The following CLCC1 variants were observed in gnomAD, a reference collection of about 807,000 sequenced individuals.
CLCC1 encodes chloride channel CLIC like 1, also known as chloride channel CLIC-like protein 1.
A neutral mutation model predicts 63.3 loss-of-function variants in CLCC1; 39 were observed. The observed-to-expected ratio is 0.62, with a 90% confidence interval of 0.48 to 0.81. CLCC1 has a LOEUF of 0.81. Ranked by LOEUF, CLCC1 falls within the 30% of genes least tolerant of loss-of-function variation. The pLI, the probability that CLCC1 is intolerant of heterozygous loss-of-function variation, is 0.00. For synonymous variants in CLCC1, 217 were observed against 239.8 expected, an observed-to-expected ratio of 0.90 and a Z score of 0.88; for missense variants, 549 against 669.4, an observed-to-expected ratio of 0.82 and a Z score of 1.98.
intron 2 of CLCC1, 37 bp from the exon 3 acceptor site, chr1:108,950,485 T>C: frequency 1.7e-6 from 2 of 1,187,030 alleles, no homozygotes; most frequent in Non-Finnish European, 2.2e-6. Context: ...GAAATAGAAT[T>C]ATTTTTTTAA....
At chr1:108,960,948 T>A (rs543882032) in intron 2 of CLCC1, among the ~76,000 whole-genome samples, 376 of 152,244 alleles carry the variant, frequency 2.5e-3, no homozygotes, top group African/African-American at 8.6e-3. Flanking sequence ...CGCCGCCTTG[T>A]CTTCCCAAAG....
In CLCC1 at chr1:108,930,471, T is replaced by G. The variant is rs1449968008; in HGVS notation, c.*2076A>C. ...AAGTCAGTATAAAAGAAACTCTACT[T>G]CTTGGGCTGGGCATGGTGGCTCATT... is the stretch of plus-strand genomic sequence containing the variant. On this transcript the variant is annotated 3_prime_UTR_variant, in exon 13 of 13. Transcript: ENST00000369969. 1 of 153,378 alleles carries G rather than the reference T, an allele frequency of 6.5e-6. No homozygotes were observed. The highest frequency in any genetic ancestry group is 2.4e-5 in the African/African-American group (1 of 41,402). 9.5% of individuals were successfully genotyped at this position (153,378 alleles called of 1,614,324 possible).
At position 108,930,439 on chromosome 1, in the gene CLCC1, T is replaced by A. The variant is rs1447208685; in HGVS notation, c.*2108A>T. On this transcript the variant is annotated 3_prime_UTR_variant, in exon 13 of 13. Coordinates refer to ENST00000369969, the MANE Select transcript of CLCC1 (RefSeq NM_001377458.1). ...TTTCCTCCATGAAAATCTGTTTTTTTAGGCCAAAGTCAGTATAAAAGAAAC... is the reference window on the plus strand; with the variant it reads ...TTTCCTCCATGAAAATCTGTTTTTTAAGGCCAAAGTCAGTATAAAAGAAAC... 6.5e-6 allele frequency: 1 copy of A among 154,418 alleles called. No individual in the cohort carries two copies. Among genetic ancestry groups the A allele is most frequent in the Non-Finnish European group, 1.4e-5 (1 of 69,626 alleles). The allele number at this position is 154,418 out of a possible 1,614,324, so 9.6% of individuals were successfully genotyped here.
Position 108,931,399 on chromosome 1 carries a change from AG to A in CLCC1, c.*1147del, listed in dbSNP as rs144751975. ...AAGTATGGGACAGACTGGGACCTGG[AG>A]TAACACTGGATCACAGACTGCAAAG... On this transcript the variant is annotated 3_prime_UTR_variant, in exon 13 of 13. Coordinates refer to ENST00000369969, the MANE Select transcript of CLCC1 (RefSeq NM_001377458.1). 1,124 of 1,551,188 alleles carry A rather than the reference AG, an allele frequency of 7.2e-4. 11 individuals carry two copies. The African/African-American group carries it at 0.014, about 19-fold the overall frequency.
In CLCC1 at chr1:108,963,468, T is replaced by C; in HGVS notation, c.-280A>G. 1 of 702,024 alleles carries C rather than the reference T, an allele frequency of 1.4e-6. No individual in the cohort carries two copies. The highest frequency in any genetic ancestry group is 2.7e-5 in the East Asian group (1 of 37,262). 43.5% of individuals were successfully genotyped at this position (702,024 alleles called of 1,614,324 possible). Reference sequence around the variant, plus strand: ...AGGGTTTCAGCGTGCTTCCTGGGCCTCGTCATCGAATTGTTCGGCTGACGG... The same window carrying C: ...AGGGTTTCAGCGTGCTTCCTGGGCCCCGTCATCGAATTGTTCGGCTGACGG... On this transcript the variant is annotated 5_prime_UTR_variant, in exon 1 of 13. Coordinates refer to ENST00000369969, the MANE Select transcript of CLCC1 (RefSeq NM_001377458.1).
rs1571019001 is a variant in CLCC1 at position 108,939,623 on chromosome 1, T to C, written c.1041+13A>G. The C allele has an allele frequency of 6.8e-6, 11 of 1,613,302 alleles. No individual in the cohort carries two copies. Among genetic ancestry groups the C allele is most frequent in the Non-Finnish European group, 9.3e-6 (11 of 1,179,662 alleles). On this transcript the variant is annotated intron_variant, in intron 10 of 12. Transcript: ENST00000369969. Reference sequence around the variant, plus strand: ...CGCGCCTGGCCCGACAGTGCTAATATATTAATACTAACCAGGATGGCTAAT... The same window carrying C: ...CGCGCCTGGCCCGACAGTGCTAATACATTAATACTAACCAGGATGGCTAAT...
At position 108,950,438 on chromosome 1, in the gene CLCC1, CCTGT is replaced by C; in HGVS notation, c.-5_-2del. The C allele has an allele frequency of 6.3e-7, 1 of 1,598,786 alleles. No individual in the cohort carries two copies. Among genetic ancestry groups the C allele is most frequent in the Non-Finnish European group, 8.5e-7 (1 of 1,170,706 alleles). On this transcript the variant is annotated 5_prime_UTR_variant, in exon 3 of 13. The change creates a new upstream start codon in the 5' untranslated region. Coordinates refer to ENST00000369969, the MANE Select transcript of CLCC1 (RefSeq NM_001377458.1). ...CACAAAGGAGCAAAGAACACAGCATCCTGTATAAGGCTAAAACAATTTTTAATAT... is the reference window on the plus strand; with the variant it reads ...CACAAAGGAGCAAAGAACACAGCATCATAAGGCTAAAACAATTTTTAATAT...
Position 108,943,846 on chromosome 1 carries a change from T to C in CLCC1, c.551A>G (p.Asn184Ser). 2.5e-6 allele frequency: 4 copies of C among 1,609,184 alleles called. No homozygotes were observed. The highest frequency in any genetic ancestry group is 3.4e-6 in the Non-Finnish European group (4 of 1,175,768). The change falls in exon 6 of 13, where the codon AAT becomes AGT. Residue 184 changes from asparagine (N) to serine (S), a missense_variant. Coordinates refer to ENST00000369969, the MANE Select transcript of CLCC1 (RefSeq NM_001377458.1). ...CTCATCCCATCTTACCATTAACACA[T>C]TATATGGATCCACTCCAAAGGAATC... ...FEDSFGVDPY[N>S]VLMVLLCLLC...
In CLCC1 at chr1:108,937,356, G is replaced by T. The variant is rs168107; in HGVS notation, c.1104C>A (p.Ser368Arg). ...GTGGCCGAAGTGCCTGGGGAGGTTC[G>T]CTCTCAGGACCGCCTATATGTCTCA... Reference protein sequence around the residue: ...HVLRHIGGPESEPPQALRPRD... With the variant: ...HVLRHIGGPEREPPQALRPRD... Residue 368 changes from serine to arginine, a missense_variant, in exon 11 of 13, where the codon AGC becomes AGA. Transcript: ENST00000369969. 442,933 of 1,613,536 alleles carry T rather than the reference G, an allele frequency of 0.27. 66,239 individuals are homozygous for T. Among genetic ancestry groups the T allele is most frequent in the African/African-American group, 0.57 (42,852 of 74,940 alleles).
At chr1:108,940,208 A>G (rs1653671239) in intron 8 of CLCC1, 66 bp from the exon 9 acceptor site, 1 of 1,171,048 alleles carries the variant, frequency 8.5e-7, no homozygotes, top group Admixed American at 2.0e-5. Flanking sequence ...CCCAAACAAG[A>G]CATTACTTTG....
chr1:108,947,502 G>GTC, intron 5 of CLCC1, 109 bp downstream of exon 5: 1 of 641,600 alleles, frequency 1.6e-6, no homozygotes. Context: ...AGTCAGTCAG[G>GTC]TGGTCTCTGT....
chr1:108,956,648 G>A (rs553124789), intron 2 of CLCC1, among the ~76,000 whole-genome samples: 28 of 130,782 alleles, frequency 2.1e-4, no homozygotes, highest in South Asian at 1.2e-3. Flanking sequence ...GTGACACAGC[G>A]AGACTCCGTC....
intron 5 of CLCC1, among the ~76,000 whole-genome samples, chr1:108,944,775 G>C (rs1028875309): frequency 1.3e-5 from 2 of 152,046 alleles, no homozygotes; most frequent in Non-Finnish European, 2.9e-5. Flanking sequence ...GACTACAGGT[G>C]CCCGCCACTA....
Position 108,943,870 on chromosome 1 carries a change from TC to T in CLCC1, c.526del (p.Asp176IlefsTer11). 1 of 1,613,832 alleles carries T rather than the reference TC, an allele frequency of 6.2e-7. No homozygotes were observed. Among genetic ancestry groups the T allele is most frequent in the East Asian group, 2.2e-5 (1 of 44,874 alleles). ...DFETWKWRFE[D>X]SFGVDPYNVL... Reference sequence around the variant, plus strand: ...ATTATATGGATCCACTCCAAAGGAATCTTCGAATCGCCACTTCCATGTTTCA... The same window carrying T: ...ATTATATGGATCCACTCCAAAGGAATTTCGAATCGCCACTTCCATGTTTCA... On this transcript the variant is annotated frameshift_variant, in exon 6 of 13. Transcript: ENST00000369969. LOFTEE classifies it high-confidence loss of function.
chr1:108,954,589 G>GA (rs1251738156), intron 2 of CLCC1, among the ~76,000 whole-genome samples: 1 of 151,130 alleles, frequency 6.6e-6, no homozygotes, highest in Non-Finnish European at 1.5e-5. Context: ...GGCTGAAGCA[G>GA]AAAAAAGATG....
Position 108,937,380 on chromosome 1 carries a change from C to T in CLCC1, c.1080G>A (p.Leu360=), listed in dbSNP as rs1047015131. 3.7e-6 allele frequency: 6 copies of T among 1,612,498 alleles called. No homozygotes were observed. Among genetic ancestry groups the T allele is most frequent in the African/African-American group, 1.3e-5 (1 of 74,858 alleles). Reference sequence around the variant, plus strand: ...CGCTCTCAGGACCGCCTATATGTCTCAGCACATGAACTGATTTTCCAGCAC... The same window carrying T: ...CGCTCTCAGGACCGCCTATATGTCTTAGCACATGAACTGATTTTCCAGCAC... ...CYGAGKSVHV[L]RHIGGPESEP... The change falls in exon 11 of 13, where the codon CTG becomes CTA. Residue 360 remains leucine (L), a synonymous_variant. Transcript: ENST00000369969.
Position 108,944,076 on chromosome 1 carries a change from AAAAC to A in CLCC1, c.340-23_340-20del, listed in dbSNP as rs779270419. 522 of 1,526,344 alleles carry A rather than the reference AAAAC, an allele frequency of 3.4e-4. No homozygotes were observed. Among genetic ancestry groups the A allele is most frequent in the Non-Finnish European group, 4.4e-4 (492 of 1,126,790 alleles). The allele number at this position is 1,526,344 out of a possible 1,614,324, so 94.6% of individuals were successfully genotyped here. A position where few individuals can be genotyped will look rare whatever the true frequency, so the allele number is the denominator to read the frequency against. ...CATCAGGCTAAATTAAATTTACCAAAAAACAAACAATAGAAAGAGAATTTTATTA... is the reference window on the plus strand; with the variant it reads ...CATCAGGCTAAATTAAATTTACCAAAAAACAATAGAAAGAGAATTTTATTA... On this transcript the variant is annotated intron_variant, in intron 5 of 12. Transcript: ENST00000369969.
chr1:108,960,550 C>T (rs1311602932), intron 2 of CLCC1, among the ~76,000 whole-genome samples: 5 of 151,968 alleles, frequency 3.3e-5, no homozygotes, highest in African/African-American at 1.2e-4. Context: ...AGAGAGGCTC[C>T]AAGATGGGAG....
chr1:108,936,134 C>A (rs1288354132), intron 11 of CLCC1, among the ~76,000 whole-genome samples: 9 of 144,438 alleles, frequency 6.2e-5, no homozygotes, highest in Non-Finnish European at 9.0e-5. Flanking sequence ...ACTCTGTCAC[C>A]CAGGCTGGAG....
Sources: gnomAD v4.1 joint callset for allele counts (sites outside exome capture counted in the v4.1 genomes callset) on GRCh38, gnomAD v4.1.1 for gene constraint, MANE v1.5 for transcripts, NCBI Gene and HGNC (gene_info 2026-07-23, HGNC 2026-07-21) for gene names.